Variants in TRPM3 observed in about 807,000 individuals in gnomAD.
TRPM3 encodes transient receptor potential cation channel subfamily M member 3.
TRPM3 carries 77 observed loss-of-function variants against 181.2 expected under a neutral mutation model. That is an observed-to-expected ratio of 0.42 (90% CI 0.35 to 0.51). The LOEUF (loss-of-function observed/expected upper bound fraction) is 0.51. Ranked by LOEUF, TRPM3 falls within the 20% of genes least tolerant of loss-of-function variation. TRPM3 has a pLI of 0.01. For missense variants in TRPM3, 1,759 were observed against 2,196.7 expected (o/e 0.80, Z 3.98); for synonymous variants, 745 against 796.4 (o/e 0.94, Z 1.09).
intron 1 of TRPM3, among the ~76,000 whole-genome samples, chr9:71,113,406 T>C (rs985299380): frequency 6.6e-6 from 1 of 152,060 alleles, no homozygotes; most frequent in African/African-American, 2.4e-5. Flanking sequence ...AGTTGGGAGA[T>C]AGTATAGAGG....
Position 71,099,911 on chromosome 9 carries a change from C to T in TRPM3, c.177+21267G>A, listed in dbSNP as rs79296072. Reference sequence around the variant, plus strand: ...GATGAGACCAGAATATGCAGTGTAACCCCAATGACTATGATATCCTACCTC... The same window carrying T: ...GATGAGACCAGAATATGCAGTGTAATCCCAATGACTATGATATCCTACCTC... On this transcript the variant is annotated intron_variant, in intron 1 of 25. Coordinates refer to ENST00000677713, the MANE Select transcript of TRPM3 (RefSeq NM_001366145.2). 4.9e-3 allele frequency among the ~76,000 whole-genome samples: 740 copies of T among 152,126 alleles called. 19 individuals carry two copies. In the East Asian group the frequency reaches 0.078, roughly 16 times the overall value.
chr9:71,026,082 C>T (rs2097894403), intron 1 of TRPM3, among the ~76,000 whole-genome samples: 1 of 152,174 alleles, frequency 6.6e-6, no homozygotes, highest in Non-Finnish European at 1.5e-5. Flanking sequence ...GAGAAGTAGT[C>T]GGGGCAGAAC....
At chr9:70,547,868 G>T (rs1205862758) in intron 25 of TRPM3, among the ~76,000 whole-genome samples, 3 of 152,204 alleles carry the variant, frequency 2.0e-5, no homozygotes, top group Non-Finnish European at 4.4e-5. Context: ...CAGGCATGGG[G>T]CCAGAGGCTC....
chr9:70,840,786 A>G (rs1016905371), intron 5 of TRPM3, among the ~76,000 whole-genome samples: 1 of 152,240 alleles, frequency 6.6e-6, no homozygotes, highest in East Asian at 1.9e-4. Context: ...AAACAAAATA[A>G]TACAAAGAGC....
chr9:71,382,116 T>G (rs1457812791), intron 1 of TRPM3, among the ~76,000 whole-genome samples: 1 of 152,186 alleles, frequency 6.6e-6, no homozygotes, highest in African/African-American at 2.4e-5. Flanking sequence ...TTAGACTGTT[T>G]TGAATCCCAT....
intron 1 of TRPM3, among the ~76,000 whole-genome samples, chr9:70,898,336 A>C (rs538974035): frequency 2.4e-4 from 36 of 151,392 alleles, no homozygotes; most frequent in African/African-American, 8.7e-4. Context: ...GTTAGCCAGG[A>C]TGGTCTCGAT....
At chr9:71,186,865 C>G (rs1303280529) in intron 1 of TRPM3, among the ~76,000 whole-genome samples, 1 of 152,004 alleles carries the variant, frequency 6.6e-6, no homozygotes, top group Non-Finnish European at 1.5e-5. Flanking sequence ...GTTATGTCAA[C>G]TCATCTATGA....
chr9:70,911,000 G>A (rs2096531943), intron 1 of TRPM3, among the ~76,000 whole-genome samples: 1 of 152,162 alleles, frequency 6.6e-6, no homozygotes, highest in African/African-American at 2.4e-5. Context: ...GTAGTCTTAT[G>A]GGATGTTATT....
rs10118477 is a variant in TRPM3 at position 70,778,155 on chromosome 9, G to T, written c.1148+5950C>A. Among the ~76,000 whole-genome samples the T allele has an allele frequency of 1.9e-3, 296 of 152,224 alleles. 1 individual carries two copies. Among genetic ancestry groups the T allele is most frequent in the African/African-American group, 6.4e-3 (268 of 41,560 alleles). On this transcript the variant is annotated intron_variant, in intron 7 of 25. Transcript: ENST00000677713. ...TCTCAGTCATCCAGGCTGACCCTCA[G>T]CTTAGATCCAGTTTTTGATGGAAAA...
intron 1 of TRPM3, among the ~76,000 whole-genome samples, chr9:71,053,503 G>A (rs564502859): frequency 6.6e-6 from 1 of 152,226 alleles, no homozygotes; most frequent in South Asian, 2.1e-4. Context: ...GAGAATGAGT[G>A]TCAACCCGCT....
chr9:71,422,957 A>G (rs2093803850), intron 1 of TRPM3, among the ~76,000 whole-genome samples: 1 of 152,068 alleles, frequency 6.6e-6, no homozygotes, highest in African/African-American at 2.4e-5. Context: ...ATATCACCAC[A>G]TCAAGATGCA....
chr9:71,268,857 A>T (rs1288954295), intron 1 of TRPM3, among the ~76,000 whole-genome samples: 1 of 152,156 alleles, frequency 6.6e-6, no homozygotes, highest in Non-Finnish European at 1.5e-5. Flanking sequence ...ATTAAAAAAA[A>T]CAAAGAATCA....
chr9:71,272,180 G>A (rs528952295), intron 1 of TRPM3, among the ~76,000 whole-genome samples: 9 of 152,126 alleles, frequency 5.9e-5, no homozygotes, highest in South Asian at 2.1e-4. Context: ...GAAAAGTGTC[G>A]TATTTTTTCT....
intron 6 of TRPM3, among the ~76,000 whole-genome samples, chr9:70,801,382 A>G (rs147550461): frequency 1.3e-3 from 199 of 152,316 alleles, no homozygotes; most frequent in African/African-American, 4.6e-3. Context: ...GTTCATTATC[A>G]GAGCTATTTC....
intron 1 of TRPM3, among the ~76,000 whole-genome samples, chr9:71,089,788 C>A (rs572298419): frequency 2.6e-5 from 4 of 152,006 alleles, no homozygotes. Flanking sequence ...CCTGAGCATC[C>A]TAGTGTTTGC....
intron 22 of TRPM3, among the ~76,000 whole-genome samples, chr9:70,558,165 G>C (rs1194775522): frequency 1.3e-5 from 2 of 152,084 alleles, no homozygotes; most frequent in Admixed American, 6.5e-5. Context: ...ACAACGTAAG[G>C]CTACCAAGTA....
Position 71,282,306 on chromosome 9 carries a change from C to CGAAA in TRPM3, c.183+164343_183+164346dup, listed in dbSNP as rs1420100402. Reference sequence around the variant, plus strand: ...AAAAGAAAGAAAGAAAAAGAAAGAACGAAAGAAAGAAAGAAAGGAAAGAAA... The same window carrying CGAAA: ...AAAAGAAAGAAAGAAAAAGAAAGAACGAAAGAAAGAAAGAAAGAAAGGAAAGAAA... On this transcript the variant is annotated intron_variant, in intron 1 of 24. Transcript: ENST00000357533. 7.4e-5 allele frequency among the ~76,000 whole-genome samples: 2 copies of CGAAA among 26,856 alleles called. 1 individual carries two copies. Among genetic ancestry groups the CGAAA allele is most frequent in the Non-Finnish European group, 1.7e-4 (2 of 11,774 alleles). 17.6% of individuals were successfully genotyped at this position (26,856 alleles called of 152,430 possible).
intron 1 of TRPM3, among the ~76,000 whole-genome samples, chr9:70,915,148 A>T (rs2096578351): frequency 6.6e-6 from 1 of 152,224 alleles, no homozygotes; most frequent in Admixed American, 6.5e-5. Flanking sequence ...CCTTACAGAC[A>T]AATAATTCAA....
intron 8 of TRPM3, among the ~76,000 whole-genome samples, chr9:70,745,125 G>A (rs1020290820): frequency 1.3e-5 from 2 of 152,112 alleles, no homozygotes; most frequent in African/African-American, 4.8e-5. Flanking sequence ...TATTTATTGA[G>A]TGCTTATTGT....
Sources: allele counts gnomAD v4.1 joint callset (sites outside exome capture counted in the v4.1 genomes callset), GRCh38; gene constraint gnomAD v4.1.1; transcripts MANE v1.5; gene names NCBI Gene and HGNC (gene_info 2026-07-23, HGNC 2026-07-21).